Variants in PALM2AKAP2 observed in about 807,000 individuals in gnomAD.
PALM2AKAP2 encodes PALM2-AKAP2 fusion protein.
PALM2AKAP2 carries 37 observed loss-of-function variants against 71.5 expected under a neutral mutation model. The ratio of observed to expected loss-of-function variants is 0.52; its 90% CI spans 0.40 to 0.68. The LOEUF (loss-of-function observed/expected upper bound fraction) is 0.68, where lower values mean the gene tolerates loss of function less well. Among genes scored for constraint, PALM2AKAP2 ranks in the 30% least tolerant of loss-of-function variants. PALM2AKAP2 has a pLI of 0.00. For missense variants in PALM2AKAP2, 1,224 were observed against 1,191.8 expected, an observed-to-expected ratio of 1.03 and a Z score of -0.40; for synonymous variants, 468 against 478.8, an observed-to-expected ratio of 0.98 and a Z score of 0.29.
At chr9:110,048,848 G>C in exon 1 of PALM2AKAP2, 1 of 1,529,408 alleles carries the variant, frequency 6.5e-7, no homozygotes. Context: ...GGGAGCGGGC[G>C]CCCAGAGGTG....
At chr9:109,871,415 G>A (rs1210700331) in intron 2 of PALM2AKAP2, among the ~76,000 whole-genome samples, 1 of 152,152 alleles carries the variant, frequency 6.6e-6, no homozygotes, top group Non-Finnish European at 1.5e-5. Flanking sequence ...GTAGTGTGGT[G>A]TAATAATTTC....
At chr9:109,884,539 A>G (rs1223352960) in intron 3 of PALM2AKAP2, among the ~76,000 whole-genome samples, 1 of 152,182 alleles carries the variant, frequency 6.6e-6, no homozygotes, top group Non-Finnish European at 1.5e-5. Flanking sequence ...AGAGTAAGAG[A>G]GAATATGAGT....
intron 6 of PALM2AKAP2, among the ~76,000 whole-genome samples, chr9:109,959,322 C>G (rs192079616): frequency 2.3e-3 from 348 of 152,252 alleles, no homozygotes; most frequent in African/African-American, 7.8e-3. Flanking sequence ...CCTCTTTGCT[C>G]TGTAATACAC....
chr9:109,989,788 T>C (rs1382218437), intron 6 of PALM2AKAP2, among the ~76,000 whole-genome samples: 1 of 152,304 alleles, frequency 6.6e-6, no homozygotes, highest in East Asian at 1.9e-4. Context: ...TCTTGTCCCA[T>C]CTAAGATATA....
At chr9:109,913,075 TAAAAG>T (rs973386543) in intron 3 of PALM2AKAP2, among the ~76,000 whole-genome samples, 7 of 152,144 alleles carry the variant, frequency 4.6e-5, no homozygotes, top group African/African-American at 1.7e-4. Flanking sequence ...ATGTTGTTCC[TAAAAG>T]AAAAGGGCAG....
intron 3 of PALM2AKAP2, among the ~76,000 whole-genome samples, chr9:109,895,221 C>G (rs1830172167): frequency 2.6e-5 from 4 of 152,228 alleles, no homozygotes; most frequent in South Asian, 2.1e-4. Flanking sequence ...TGACTGGTTT[C>G]CTTGAAAGCA....
intron 1 of PALM2AKAP2, among the ~76,000 whole-genome samples, chr9:109,806,107 A>G (rs1827564877): frequency 6.6e-6 from 1 of 152,350 alleles, no homozygotes; most frequent in African/African-American, 2.4e-5. Flanking sequence ...TCCTGATGCC[A>G]TGGATTTCTT....
intron 7 of PALM2AKAP2, among the ~76,000 whole-genome samples, chr9:110,028,608 G>A (rs532335895): frequency 6.6e-6 from 1 of 152,270 alleles, no homozygotes; most frequent in South Asian, 2.1e-4. Flanking sequence ...CCAGATGGAA[G>A]GACACTTTGT....
intron 1 of PALM2AKAP2, among the ~76,000 whole-genome samples, chr9:109,680,644 G>T (rs548397918): frequency 6.6e-6 from 1 of 152,250 alleles, no homozygotes; most frequent in Non-Finnish European, 1.5e-5. Flanking sequence ...CTGTGCTATT[G>T]TAAGGCATGT....
intron 3 of PALM2AKAP2, among the ~76,000 whole-genome samples, chr9:109,882,753 C>T (rs576615948): frequency 1.4e-4 from 21 of 152,118 alleles, no homozygotes; most frequent in East Asian, 3.9e-4. Context: ...AGCTATCCTC[C>T]GACCTCAGCC....
At chr9:109,685,250 C>T (rs377297611) in intron 1 of PALM2AKAP2, among the ~76,000 whole-genome samples, 3 of 152,016 alleles carry the variant, frequency 2.0e-5, no homozygotes, top group African/African-American at 7.3e-5. Flanking sequence ...TATGTTTATA[C>T]ACATACCGTG....
Position 109,793,026 on chromosome 9 carries a change from T to G in PALM2AKAP2, c.45+12493T>G, listed in dbSNP as rs79597611. Among the ~76,000 whole-genome samples, 297 of 152,334 alleles carry G rather than the reference T, an allele frequency of 1.9e-3. 3 individuals carry two copies. Among genetic ancestry groups the G allele is most frequent in the African/African-American group, 6.9e-3 (285 of 41,582 alleles). On this transcript the variant is annotated intron_variant, in intron 1 of 9. Transcript: ENST00000302798. ...TGAAAATACTCTTTGAAAATACTCT[T>G]TGATTTTATTACACTTAATCTTAGC...
chr9:109,751,012 C>T (rs1006045148), intron 1 of PALM2AKAP2, among the ~76,000 whole-genome samples: 2 of 152,166 alleles, frequency 1.3e-5, no homozygotes, highest in Non-Finnish European at 2.9e-5. Flanking sequence ...CTGCTTCTGG[C>T]TTCCTAAGCA....
intron 1 of PALM2AKAP2, among the ~76,000 whole-genome samples, chr9:109,692,245 ATCATAGT>A (rs1300975465): frequency 6.6e-6 from 1 of 151,842 alleles, no homozygotes; most frequent in East Asian, 1.9e-4. Context: ...TACATATAGT[ATCATAGT>A]TGGTACTACC....
At chr9:110,022,505 A>T in intron 7 of PALM2AKAP2, among the ~76,000 whole-genome samples, 1 of 150,544 alleles carries the variant, frequency 6.6e-6, no homozygotes, top group African/African-American at 2.4e-5. Flanking sequence ...CTTTATATTC[A>T]CATCTTTGGC....
chr9:109,910,317 T>A (rs2131889425), intron 3 of PALM2AKAP2, among the ~76,000 whole-genome samples: 1 of 152,282 alleles, frequency 6.6e-6, no homozygotes, highest in Non-Finnish European at 1.5e-5. Flanking sequence ...GTTGTGTATG[T>A]GGACCATCCG....
chr9:110,054,657 C>T (rs979308060), intron 1 of PALM2AKAP2, among the ~76,000 whole-genome samples: 3 of 152,126 alleles, frequency 2.0e-5, no homozygotes, highest in Admixed American at 2.0e-4. Context: ...ACTGCAGTCT[C>T]GAACTTCTGG....
intron 1 of PALM2AKAP2, among the ~76,000 whole-genome samples, chr9:109,833,843 G>C (rs1022931958): frequency 6.6e-6 from 1 of 152,166 alleles, no homozygotes; most frequent in Admixed American, 6.5e-5. Flanking sequence ...GTCCGGTTTA[G>C]GTCTTTCTCC....
intron 1 of PALM2AKAP2, among the ~76,000 whole-genome samples, chr9:110,119,213 G>T (rs555141412): frequency 1.3e-5 from 2 of 151,770 alleles, no homozygotes; most frequent in Admixed American, 1.3e-4. Flanking sequence ...TGTGGTGGTG[G>T]GCGCCTGTAG....
Sources: allele counts gnomAD v4.1 joint callset (sites outside exome capture counted in the v4.1 genomes callset), GRCh38; gene constraint gnomAD v4.1.1; transcripts MANE v1.5; gene names NCBI Gene and HGNC (gene_info 2026-07-23, HGNC 2026-07-21).